Variants in NFATC1 observed in about 807,000 individuals in gnomAD.
The protein encoded by NFATC1 is nuclear factor of activated T-cells, cytoplasmic 1.
NFATC1 carries 22 observed loss-of-function variants against 76.0 expected under a neutral mutation model. The observed-to-expected ratio is 0.29, with a 90% CI of 0.21 to 0.41. NFATC1 has a LOEUF of 0.41. NFATC1 is among the 10% of genes least tolerant of loss of function. NFATC1 has a pLI of 1.00. For missense variants in NFATC1, 1,357 were observed against 1,337.7 expected, an observed-to-expected ratio of 1.01 and a Z score of -0.23; for synonymous variants, 704 against 613.1, an observed-to-expected ratio of 1.15 and a Z score of -2.19.
rs576157673 is a variant in NFATC1 at position 79,431,395 on chromosome 18, C to T, written c.1227-2184C>T. ...GTTTTGAGACAGAGTCTTGCCCTGT[C>T]GCCCAGGCTGAAGCACATGCGATCT... On this transcript the variant is annotated intron_variant, in intron 2 of 9. Coordinates refer to ENST00000427363, the MANE Select transcript of NFATC1 (RefSeq NM_001278669.2). Among the ~76,000 whole-genome samples, 9 of 152,278 alleles carry T rather than the reference C, an allele frequency of 5.9e-5. No individual in the cohort carries two copies. The South Asian group carries it at 1.4e-3, about 25-fold the overall frequency.
chr18:79,525,557 C>T (rs2090739681), intron 9 of NFATC1, among the ~76,000 whole-genome samples: 1 of 152,134 alleles, frequency 6.6e-6, no homozygotes, highest in Non-Finnish European at 1.5e-5. Flanking sequence ...ACCTCTCAGG[C>T]CTCCCTCCTG....
intron 9 of NFATC1, among the ~76,000 whole-genome samples, chr18:79,507,180 G>T (rs1228736614): frequency 6.6e-6 from 1 of 152,240 alleles, no homozygotes; most frequent in Non-Finnish European, 1.5e-5. Context: ...CTTCGCCCCA[G>T]ACAGGCCCTA....
At chr18:79,450,184 G>A (rs771910455) in intron 4 of NFATC1, among the ~76,000 whole-genome samples, 8 of 152,156 alleles carry the variant, frequency 5.3e-5, no homozygotes, top group Admixed American at 2.6e-4. Context: ...GTGGGTGGTC[G>A]GGGAGTCTGT....
chr18:79,486,658 C>A lies in NFATC1; in HGVS notation c.2503C>A (p.Pro835Thr), dbSNP rs762490739. The change falls in exon 9 of 10, where the codon CCC becomes ACC. Residue 835 changes from proline (P) to threonine (T), a missense_variant. This residue lies in a region of NFATC1 where 424 missense variants were observed against 395.4 expected (regional missense o/e 1.07). Coordinates refer to ENST00000427363, the MANE Select transcript of NFATC1 (RefSeq NM_001278669.2). Reference sequence around the variant, plus strand: ...GAGTGCGCCTCCAAGCAGTAGCTGCCCCCCTGGTCTCGAACACTCGCTCTG... The same window carrying A: ...GAGTGCGCCTCCAAGCAGTAGCTGCACCCCTGGTCTCGAACACTCGCTCTG... ...QVSAPPSSSC[P>T]PGLEHSLCPS... is the part of the protein sequence containing the mutation. The A allele has an allele frequency of 1.2e-6, 2 of 1,604,010 alleles. No homozygotes were observed. Among genetic ancestry groups the A allele is most frequent in the Non-Finnish European group, 1.7e-6 (2 of 1,177,960 alleles).
At chr18:79,459,475 C>T (rs12959655) in intron 6 of NFATC1, among the ~76,000 whole-genome samples, 27,131 of 152,082 alleles carry the variant, frequency 0.18, 2,628 homozygotes, top group East Asian at 0.37. Flanking sequence ...AATGGCGTCC[C>T]CTCGGGGTGT....
At chr18:79,506,435 T>C (rs2090122935) in intron 9 of NFATC1, among the ~76,000 whole-genome samples, 1 of 152,230 alleles carries the variant, frequency 6.6e-6, no homozygotes, top group Non-Finnish European at 1.5e-5. Flanking sequence ...TGCTCTGATA[T>C]GCCCTCCCCA....
At chr18:79,433,181 A>C (rs1269887004) in intron 2 of NFATC1, among the ~76,000 whole-genome samples, 1 of 152,176 alleles carries the variant, frequency 6.6e-6, no homozygotes, top group East Asian at 1.9e-4. Flanking sequence ...CACCTGTCTC[A>C]TGGCAGCCAC....
intron 3 of NFATC1, among the ~76,000 whole-genome samples, chr18:79,443,954 G>T (rs1308642047): frequency 6.6e-6 from 1 of 152,192 alleles, no homozygotes; most frequent in Non-Finnish European, 1.5e-5. Context: ...GTGGGATTTG[G>T]GGGTCAGGAG....
intron 2 of NFATC1, among the ~76,000 whole-genome samples, chr18:79,411,756 C>T (rs903080881): frequency 1.3e-5 from 2 of 152,238 alleles, no homozygotes; most frequent in African/African-American, 4.8e-5. Context: ...TCTCCAGATC[C>T]TCTCGGGCCC....
chr18:79,438,681 G>C (rs1010206796), intron 3 of NFATC1, among the ~76,000 whole-genome samples: 1 of 152,232 alleles, frequency 6.6e-6, no homozygotes, highest in Non-Finnish European at 1.5e-5. Context: ...AGGTGAGGGC[G>C]GGTGGTCTGG....
intron 5 of NFATC1, 121 bp downstream of exon 5, chr18:79,451,247 C>A: frequency 8.1e-7 from 1 of 1,242,054 alleles, no homozygotes; most frequent in Non-Finnish European, 1.1e-6. Flanking sequence ...CCCACCAAAC[C>A]CACCACAGTG....
rs577230827 is a variant in NFATC1 at position 79,474,826 on chromosome 18, G to A, written c.2092+7244G>A. 2.2e-4 allele frequency among the ~76,000 whole-genome samples: 32 copies of A among 146,554 alleles called. 2 individuals carry two copies. The highest frequency in any genetic ancestry group is 7.9e-4 in the African/African-American group (31 of 39,308). On this transcript the variant is annotated intron_variant, in intron 8 of 9. Coordinates refer to ENST00000427363, the MANE Select transcript of NFATC1 (RefSeq NM_001278669.2). ...CTGTCGACGTAAACCTGAGGGAAGC[G>A]TGTTCTCACGCTCGCTGTCAACGTA...
intron 3 of NFATC1, among the ~76,000 whole-genome samples, chr18:79,446,807 C>A (rs2087224692): frequency 6.6e-6 from 1 of 152,218 alleles, no homozygotes; most frequent in South Asian, 2.1e-4. Context: ...TGCAGAGACT[C>A]CTGTGGGCAT....
At chr18:79,442,371 G>A (rs189267606) in intron 3 of NFATC1, among the ~76,000 whole-genome samples, 381 of 152,346 alleles carry the variant, frequency 2.5e-3, no homozygotes, top group African/African-American at 8.4e-3. Flanking sequence ...AGGTGACAGC[G>A]CACGTGCCAT....
chr18:79,455,018 G>A lies in NFATC1; in HGVS notation c.1903+3202G>A, dbSNP rs191287469. 1.6e-3 allele frequency among the ~76,000 whole-genome samples: 244 copies of A among 152,296 alleles called. 3 individuals carry two copies. The highest frequency in any genetic ancestry group is 0.013 in the Admixed American group (196 of 15,308). On this transcript the variant is annotated intron_variant, in intron 6 of 9. Transcript: ENST00000427363. ...AACGTTCAACATAAACGAAACGCCC[G>A]AAGAACGCCCGCGTGAAACGTGAGC...
intron 9 of NFATC1, among the ~76,000 whole-genome samples, chr18:79,504,829 T>C (rs1667704): frequency 0.15 from 3,370 of 21,968 alleles, 6 homozygotes; most frequent in Middle Eastern, 0.31. Context: ...GAGACTGCTG[T>C]GTGGGAGGAG....
rs554453606 is a variant in NFATC1, at chr18:79,423,520, T to A, written c.1227-10059T>A. Among the ~76,000 whole-genome samples, 4 of 152,284 alleles carry A rather than the reference T, an allele frequency of 2.6e-5. No homozygotes were observed. In the South Asian group the frequency reaches 8.3e-4, roughly 32 times the overall value. On this transcript the variant is annotated intron_variant, in intron 2 of 9. Transcript: ENST00000427363. ...GATCCTGCCCCAGGGTCATTGCCCG[T>A]GGCCACATCGGTCCTGGGAACTGTG... is the stretch of plus-strand genomic sequence containing the variant.
chr18:79,398,799 C>T (rs2085086923), intron 1 of NFATC1, among the ~76,000 whole-genome samples: 2 of 152,322 alleles, frequency 1.3e-5, no homozygotes, highest in South Asian at 4.1e-4. Context: ...CCGGGCGCCG[C>T]GGCTCACGCC....
At chr18:79,483,037 TTCCAGCGTGACCTGGTCCTGGGGTGTCAC>T (rs2089350832) in intron 8 of NFATC1, among the ~76,000 whole-genome samples, 5 of 128,160 alleles carry the variant, frequency 3.9e-5, no homozygotes, top group Non-Finnish European at 6.8e-5. Flanking sequence ...TCCTGGGTAA[TTCCAGCGTGACCTGGTCCTGGGGTGTCAC>T]TCCAGCGTGA....
Sources: gnomAD v4.1 joint callset for allele counts (sites outside exome capture counted in the v4.1 genomes callset) on GRCh38, gnomAD v4.1.1 for gene constraint, gnomAD v4.1.1 regional missense constraint, MANE v1.5 for transcripts, NCBI Gene and HGNC (gene_info 2026-07-23, HGNC 2026-07-21) for gene names.